SYTL3: variants seen among roughly 807,000 people sequenced by gnomAD.
SYTL3 encodes synaptotagmin like 3, also known as synaptotagmin-like protein 3.
SYTL3 carries 88 observed loss-of-function variants against 82.1 expected under a neutral mutation model. The observed-to-expected ratio is 1.07, with a 90% CI of 0.90 to 1.28. SYTL3 has a LOEUF of 1.28. Among genes scored for constraint, SYTL3 ranks in the 50% most tolerant of loss-of-function variants. The pLI is 0.00. For synonymous variants in SYTL3, 311 were observed against 289.4 expected, an observed-to-expected ratio of 1.07 and a Z score of -0.76; for missense variants, 831 against 757.6, an observed-to-expected ratio of 1.10 and a Z score of -1.14.
chr6:158,758,925 C>T (rs182397681), intron 14 of SYTL3, among the ~76,000 whole-genome samples: 85 of 152,284 alleles, frequency 5.6e-4, no homozygotes, highest in Admixed American at 3.7e-3. Context: ...AGCCACGTTG[C>T]GGGTGGGTGA....
chr6:158,763,217 G>A (rs2128555760), intron 16 of SYTL3, 87 bp from the exon 17 acceptor site: 4 of 1,314,664 alleles, frequency 3.0e-6, no homozygotes, highest in East Asian at 2.3e-5. Context: ...ACTTTTCTTA[G>A]TGCTTCCCGT....
chr6:158,732,712 A>G (rs1273155706), intron 11 of SYTL3, among the ~76,000 whole-genome samples: 1 of 152,232 alleles, frequency 6.6e-6, no homozygotes, highest in Non-Finnish European at 1.5e-5. Flanking sequence ...AATAGGATGC[A>G]GTAACGTCAG....
rs1371546322 is a variant in SYTL3 at position 158,763,524 on chromosome 6, T to C, written c.1723+15T>C. The C allele has an allele frequency of 3.7e-6, 6 of 1,609,036 alleles. No individual in the cohort carries two copies. The highest frequency in any genetic ancestry group is 3.3e-4 in the Middle Eastern group (2 of 6,054). ...ACTTGGTTCAAGTAAGTCTGAGACA[T>C]TGAGCCCAAACGTTTATACTTTGTG... On this transcript the variant is annotated intron_variant, in intron 17 of 17. Transcript: ENST00000611299.
At chr6:158,688,879 C>A (rs1779566258) in intron 6 of SYTL3, among the ~76,000 whole-genome samples, 1 of 152,078 alleles carries the variant, frequency 6.6e-6, no homozygotes, top group Non-Finnish European at 1.5e-5. Context: ...TGAATAGAGG[C>A]AATTTCACAT....
At chr6:158,731,090 C>T (rs956994638) in intron 11 of SYTL3, among the ~76,000 whole-genome samples, 4 of 152,170 alleles carry the variant, frequency 2.6e-5, no homozygotes, top group Non-Finnish European at 5.9e-5. Flanking sequence ...CGAGACCATC[C>T]TGGCCAACAA....
At chr6:158,732,483 G>A (rs1010314883) in intron 11 of SYTL3, among the ~76,000 whole-genome samples, 111 of 152,196 alleles carry the variant, frequency 7.3e-4, no homozygotes, top group African/African-American at 2.6e-3. Context: ...CTTTCCACTC[G>A]GACAGTCCTC....
At chr6:158,673,078 G>A (rs752465744) in intron 5 of SYTL3, among the ~76,000 whole-genome samples, 2 of 151,986 alleles carry the variant, frequency 1.3e-5, no homozygotes, top group African/African-American at 2.4e-5. Flanking sequence ...CTCCAAGTAC[G>A]CACCACCACA....
At chr6:158,693,855 C>CTTTTATTTTCTTTTCTT (rs71030191) in intron 6 of SYTL3, among the ~76,000 whole-genome samples, 1 of 96,866 alleles carries the variant, frequency 1.0e-5, no homozygotes, top group Non-Finnish European at 1.9e-5. Flanking sequence ...TTTTTCTTTT[C>CTTTTATTTTCTTTTCTT]TTTTTTTTTT....
chr6:158,761,508 C>A (rs1027587002), intron 15 of SYTL3, among the ~76,000 whole-genome samples: 5 of 151,862 alleles, frequency 3.3e-5, no homozygotes, highest in Non-Finnish European at 7.4e-5. Flanking sequence ...CAGGGTTTCA[C>A]CATGTTAGCC....
chr6:158,654,405 C>A (rs1204593245), intron 2 of SYTL3, among the ~76,000 whole-genome samples: 1 of 152,228 alleles, frequency 6.6e-6, no homozygotes, highest in African/African-American at 2.4e-5. Context: ...CGTAACCAAA[C>A]TGTGTTTGTC....
At chr6:158,690,475 T>A (rs1397270723) in intron 6 of SYTL3, among the ~76,000 whole-genome samples, 5 of 152,224 alleles carry the variant, frequency 3.3e-5, no homozygotes, top group Admixed American at 6.5e-5. Context: ...ATTTCTCTTT[T>A]GATGATCTTA....
intron 6 of SYTL3, among the ~76,000 whole-genome samples, chr6:158,683,515 G>C (rs964930698): frequency 6.6e-6 from 1 of 152,100 alleles, no homozygotes; most frequent in Non-Finnish European, 1.5e-5. Context: ...CACTGGGCCC[G>C]GCCAGGTTGG....
intron 13 of SYTL3, among the ~76,000 whole-genome samples, chr6:158,755,241 G>A (rs1198596673): frequency 1.3e-5 from 2 of 152,194 alleles, no homozygotes; most frequent in African/African-American, 4.8e-5. Context: ...TACTTGGGAA[G>A]CTGAGGTGGG....
chr6:158,746,573 C>A (rs1483747591), intron 12 of SYTL3, among the ~76,000 whole-genome samples: 2 of 151,488 alleles, frequency 1.3e-5, no homozygotes, highest in Non-Finnish European at 2.9e-5. Context: ...TCAAGTGATT[C>A]TCCTGCCTCA....
intron 10 of SYTL3, among the ~76,000 whole-genome samples, chr6:158,723,018 G>A (rs9457450): frequency 0.29 from 43,510 of 150,286 alleles, 7,378 homozygotes; most frequent in African/African-American, 0.45. Flanking sequence ...TGCCAGCCTC[G>A]GCTTCCCAAA....
chr6:158,729,785 C>T (rs1278178821), intron 11 of SYTL3, among the ~76,000 whole-genome samples: 1 of 151,894 alleles, frequency 6.6e-6, no homozygotes, highest in East Asian at 1.9e-4. Context: ...CCAGGATGGT[C>T]TTGATCTCCT....
chr6:158,761,205 T>C (rs1789875891), intron 15 of SYTL3, among the ~76,000 whole-genome samples: 1 of 151,894 alleles, frequency 6.6e-6, no homozygotes, highest in African/African-American at 2.4e-5. Context: ...AGGGACCCTA[T>C]GGAGATTTTA....
intron 9 of SYTL3, among the ~76,000 whole-genome samples, chr6:158,715,989 ACT>A (rs1363701945): frequency 6.6e-6 from 1 of 151,850 alleles, no homozygotes; most frequent in African/African-American, 2.4e-5. Flanking sequence ...AGGGCCCCAG[ACT>A]CTTCACTGGC....
chr6:158,753,672 G>A (rs1489428542), intron 13 of SYTL3, among the ~76,000 whole-genome samples: 10 of 150,200 alleles, frequency 6.7e-5, no homozygotes, highest in Non-Finnish European at 4.4e-5. Flanking sequence ...AGAGCTTGCA[G>A]TGAGCCGAGA....
Sources: allele counts gnomAD v4.1 joint callset (sites outside exome capture counted in the v4.1 genomes callset), GRCh38; gene constraint gnomAD v4.1.1; transcripts MANE v1.5; gene names NCBI Gene and HGNC (gene_info 2026-07-23, HGNC 2026-07-21).